The following DCDC2C variants were observed in gnomAD, a reference collection of about 807,000 sequenced individuals.
The protein encoded by DCDC2C is doublecortin domain containing 2C, also known as doublecortin domain-containing protein 2C.
A neutral mutation model predicts 45.0 loss-of-function variants in DCDC2C; 44 were observed. The observed-to-expected ratio is 0.98, with a 90% CI of 0.77 to 1.26. DCDC2C has a LOEUF of 1.26. DCDC2C is among the 50% of genes most tolerant of loss of function. The pLI, the probability that DCDC2C is intolerant of heterozygous loss-of-function variation, is 0.00. For synonymous variants in DCDC2C, 187 were observed against 178.8 expected (o/e 1.05, Z -0.37); for missense variants, 447 against 468.9 (o/e 0.95, Z 0.43).
At chr2:3,749,837 G>A (rs1669486381) in intron 4 of DCDC2C, among the ~76,000 whole-genome samples, 1 of 152,114 alleles carries the variant, frequency 6.6e-6, no homozygotes, top group African/African-American at 2.4e-5. Context: ...CTTCCTAGAA[G>A]CAAACAAATG....
chr2:3,830,362 A>G lies in DCDC2C; in HGVS notation c.1066-16792A>G, dbSNP rs1671920790. ...TGATCTTTTGCTTAGGTGTAAAATG[A>G]TGCCTAGTACTGCAGTGTGGTGCAG... On this transcript the variant is annotated intron_variant, in intron 10 of 10. Coordinates refer to ENST00000399143, the MANE Select transcript of DCDC2C (RefSeq NM_001287444.2). Among the ~76,000 whole-genome samples the G allele has an allele frequency of 4.6e-5, 7 of 151,900 alleles. No individual in the cohort carries two copies. In the South Asian group the frequency reaches 1.2e-3, roughly 27 times the overall value.
Position 3,761,563 on chromosome 2 carries a change from A to G in DCDC2C, c.727-6191A>G, listed in dbSNP as rs1285768779. Among the ~76,000 whole-genome samples, 3 of 152,322 alleles carry G rather than the reference A, an allele frequency of 2.0e-5. No individual in the cohort carries two copies. The highest frequency in any genetic ancestry group is 1.5e-5 in the Non-Finnish European group (1 of 68,026). On this transcript the variant is annotated intron_variant, in intron 6 of 10. Transcript: ENST00000399143. The surrounding 1 kb of genome is among the most constrained non-coding windows in gnomAD (Gnocchi z 4.3). Reference sequence around the variant, plus strand: ...ATATATCACAACAATCAAGGCTGCAATTGTCATCTTTTAGCAGCCTGAGGA... The same window carrying G: ...ATATATCACAACAATCAAGGCTGCAGTTGTCATCTTTTAGCAGCCTGAGGA...
At chr2:3,733,718 A>C (rs565389136) in intron 3 of DCDC2C, among the ~76,000 whole-genome samples, 2 of 152,140 alleles carry the variant, frequency 1.3e-5, no homozygotes, top group South Asian at 2.1e-4. Context: ...CACTAATCCC[A>C]CTCGTGAACC....
chr2:3,703,705 G>A lies in DCDC2C; in HGVS notation c.-47G>A, dbSNP rs1159934105. 1.6e-6 allele frequency: 2 copies of A among 1,224,320 alleles called. No individual in the cohort carries two copies. The highest frequency in any genetic ancestry group is 3.2e-5 in the East Asian group (1 of 31,134). The allele number at this position is 1,224,320 out of a possible 1,614,324, so 75.8% of individuals were successfully genotyped here. On this transcript the variant is annotated 5_prime_UTR_variant, in exon 1 of 11. Transcript: ENST00000399143. This position sits in a 1 kb window ranked among gnomAD's most constrained non-coding sequence, Gnocchi z 4.4. ...CGGCTCTGCAGGCGTCGCTGCCCGCGCTGCCGCAGCCTCTCGGCCCCGGCG... is the reference window on the plus strand; with the variant it reads ...CGGCTCTGCAGGCGTCGCTGCCCGCACTGCCGCAGCCTCTCGGCCCCGGCG...
intron 4 of DCDC2C, among the ~76,000 whole-genome samples, chr2:3,743,167 C>T (rs1669264150): frequency 6.6e-6 from 1 of 150,550 alleles, no homozygotes; most frequent in Non-Finnish European, 1.5e-5. Flanking sequence ...AAGGTCACCA[C>T]ATTAGGTTAA....
rs576852641 is a variant in DCDC2C at position 3,769,552 on chromosome 2, G to A, written c.954+141G>A. The stretch of plus-strand genomic sequence containing the variant: ...TCTGTGTTCCTCCTAGTTAGAGACT[G>A]CTCATCTCAGATCCTGTGTTAAGCA... On this transcript the variant is annotated intron_variant, in intron 8 of 10. Coordinates refer to ENST00000399143, the MANE Select transcript of DCDC2C (RefSeq NM_001287444.2). 2.7e-4 allele frequency: 194 copies of A among 726,452 alleles called. 5 individuals are homozygous for A. The South Asian group carries it at 3.5e-3, about 13-fold the overall frequency. 45.0% of individuals were successfully genotyped at this position (726,452 alleles called of 1,614,324 possible).
intron 10 of DCDC2C, among the ~76,000 whole-genome samples, chr2:3,797,675 C>T (rs999882825): frequency 9.9e-5 from 15 of 151,308 alleles, no homozygotes; most frequent in African/African-American, 3.4e-4. Flanking sequence ...TGTAGTTGAG[C>T]GGTTTTGAGT....
At chr2:3,815,629 C>T (rs898823521) in intron 10 of DCDC2C, among the ~76,000 whole-genome samples, 5 of 152,136 alleles carry the variant, frequency 3.3e-5, no homozygotes, top group African/African-American at 7.2e-5. Context: ...TGGGTGCAGG[C>T]GGGCTGAGTC....
At chr2:3,806,219 GC>G (rs1671239108) in intron 10 of DCDC2C, among the ~76,000 whole-genome samples, 1 of 152,200 alleles carries the variant, frequency 6.6e-6, no homozygotes, top group Admixed American at 6.5e-5. Flanking sequence ...ATTGTTTGAT[GC>G]TTTCAAGGAC....
At chr2:3,746,434 C>T (rs902611116) in intron 4 of DCDC2C, among the ~76,000 whole-genome samples, 5 of 152,014 alleles carry the variant, frequency 3.3e-5, no homozygotes, top group Non-Finnish European at 5.9e-5. Flanking sequence ...TAGTATGGAG[C>T]GGGGGACATG....
intron 1 of DCDC2C, among the ~76,000 whole-genome samples, chr2:3,704,964 T>G (rs1668027030): frequency 6.6e-6 from 1 of 152,200 alleles, no homozygotes; most frequent in Admixed American, 6.5e-5. Context: ...TCTGTTTCCT[T>G]GTAGGTTTAC....
At chr2:3,750,576 G>A (rs1431005943) in intron 4 of DCDC2C, among the ~76,000 whole-genome samples, 1 of 152,102 alleles carries the variant, frequency 6.6e-6, no homozygotes, top group Non-Finnish European at 1.5e-5. Context: ...TTTCCTGTCT[G>A]TGTTGCTGCT....
chr2:3,836,827 A>C (rs1182180628), intron 10 of DCDC2C, among the ~76,000 whole-genome samples: 5 of 144,436 alleles, frequency 3.5e-5, no homozygotes, highest in African/African-American at 1.0e-4. Flanking sequence ...GCGCCACTGC[A>C]CTCCAGCCTG....
intron 10 of DCDC2C, among the ~76,000 whole-genome samples, chr2:3,806,595 T>G (rs1007437380): frequency 1.3e-5 from 2 of 150,596 alleles, no homozygotes; most frequent in Non-Finnish European, 2.9e-5. Flanking sequence ...CAGGCTGGAG[T>G]GCAATGGCGT....
rs1262737471 is a variant in DCDC2C, at chr2:3,741,966, A to G, written c.463A>G (p.Ile155Val). ...ATTTATTCCACCTGCAAAAATCATT[A>G]TACCCAAATTTAGTCTGTCCGATTG... ...RLFIPPAKII[I>V]PKFSLSDWDI... The change falls in exon 4 of 11, where the codon ATA becomes GTA. Residue 155 changes from isoleucine to valine, a missense_variant. Transcript: ENST00000399143. The G allele has an allele frequency of 6.5e-7, 1 of 1,549,256 alleles. No homozygotes were observed. The highest frequency in any genetic ancestry group is 8.7e-7 in the Non-Finnish European group (1 of 1,146,454).
chr2:3,711,235 C>G (rs572916948), intron 2 of DCDC2C, among the ~76,000 whole-genome samples: 4 of 152,186 alleles, frequency 2.6e-5, no homozygotes, highest in Admixed American at 1.3e-4. Context: ...AGCATGGTGA[C>G]TGCTCAAAGA....
At chr2:3,723,989 TTGTG>T (rs1447023299) in intron 2 of DCDC2C, among the ~76,000 whole-genome samples, 1 of 151,508 alleles carries the variant, frequency 6.6e-6, no homozygotes, top group Non-Finnish European at 1.5e-5. Context: ...TTCTGTGTGT[TTGTG>T]TGTGTGTGGC....
intron 10 of DCDC2C, among the ~76,000 whole-genome samples, chr2:3,807,348 C>G (rs11686118): frequency 6.6e-6 from 1 of 151,970 alleles, no homozygotes; most frequent in African/African-American, 2.4e-5. Flanking sequence ...CGAAGTGTGC[C>G]CAGGCAGGGG....
At chr2:3,786,927 A>G (rs141522875) in intron 10 of DCDC2C, among the ~76,000 whole-genome samples, 17 of 152,378 alleles carry the variant, frequency 1.1e-4, no homozygotes, top group African/African-American at 3.1e-4. Context: ...TAACATATCT[A>G]TGTTTAAAAT....
Sources: allele counts gnomAD v4.1 joint callset (sites outside exome capture counted in the v4.1 genomes callset), GRCh38; gene constraint gnomAD v4.1.1; non-coding constraint Gnocchi (gnomAD v3.1); transcripts MANE v1.5; gene names NCBI Gene and HGNC (gene_info 2026-07-23, HGNC 2026-07-21).